CELA3B: variants seen among roughly 807,000 people sequenced by gnomAD.
CELA3B encodes chymotrypsin like elastase 3B.
In CELA3B, 34 loss-of-function variants were observed where a neutral mutation model predicts 37.2. The observed-to-expected ratio is 0.91, with a 90% CI of 0.70 to 1.22. The LOEUF is 1.22. CELA3B is among the 50% of genes most tolerant of loss of function. CELA3B has a pLI of 0.00. For synonymous variants in CELA3B, 127 were observed against 143.5 expected (o/e 0.89, Z 0.82); for missense variants, 340 against 363.1 (o/e 0.94, Z 0.52).
chr1:21,987,731 A>G (rs1447072481), intron 7 of CELA3B: 1 of 150,226 alleles, frequency 6.7e-6, no homozygotes, highest in African/African-American at 2.5e-5. Context: ...ACACCTGTGA[A>G]TAGCCACTGT....
chr1:21,989,364 T>G, downstream of CELA3B: 1 of 1,129,842 alleles, frequency 8.9e-7, no homozygotes. Flanking sequence ...AGTTGAATCT[T>G]TCTTTCTTTG....
intron 7 of CELA3B, among the ~76,000 whole-genome samples, chr1:21,988,408 G>C (rs528656921): frequency 6.6e-6 from 1 of 151,748 alleles, no homozygotes; most frequent in South Asian, 2.1e-4. Flanking sequence ...TGGCCAATAT[G>C]GTGAAATCCT....
In CELA3B at chr1:21,998,246, T is replaced by C. The variant is rs993706303; in HGVS notation, c.*57T>C. 4.1e-5 allele frequency: 19 copies of C among 464,616 alleles called. 1 individual carries two copies. Among genetic ancestry groups the C allele is most frequent in the Admixed American group, 4.1e-4 (17 of 41,638 alleles). The allele number at this position is 464,616 out of a possible 1,614,324, so 28.8% of individuals were successfully genotyped here. A position where few individuals can be genotyped will look rare whatever the true frequency, so the allele number is the denominator to read the frequency against. On this transcript the variant is annotated 3_prime_UTR_variant, in exon 5 of 5. Transcript: ENST00000400277. ...GCATATTAAAGGCTCTGAGAAGTCCTGTAGGAAAGGACAATTTGAACTTTG... is the reference window on the plus strand; with the variant it reads ...GCATATTAAAGGCTCTGAGAAGTCCCGTAGGAAAGGACAATTTGAACTTTG...
intron 2 of CELA3B, among the ~76,000 whole-genome samples, chr1:21,980,567 G>C (rs11577057): frequency 0.014 from 2,096 of 144,560 alleles, 4 homozygotes; most frequent in African/African-American, 0.05. Flanking sequence ...GAGAATGTTG[G>C]GGTCCCCAGG....
At chr1:21,991,631 G>A (rs570723293), downstream of CELA3B, among the ~76,000 whole-genome samples, 8 of 150,834 alleles carry the variant, frequency 5.3e-5, no homozygotes, top group East Asian at 5.9e-4. Flanking sequence ...CCACTGTGCC[G>A]GGCCAGGATC....
chr1:21,997,426 C>A (rs893577806), intron 4 of CELA3B, among the ~76,000 whole-genome samples: 1 of 146,980 alleles, frequency 6.8e-6, no homozygotes, highest in Non-Finnish European at 1.5e-5. Flanking sequence ...TGGTGGCTCA[C>A]GACTGTAATC....
intron 4 of CELA3B, among the ~76,000 whole-genome samples, chr1:21,983,381 T>A (rs6698785): frequency 0.9 from 135,759 of 150,400 alleles, 62,052 homozygotes; most frequent in Non-Finnish European, 0.98. Flanking sequence ...AAATTTGCTC[T>A]GCCTTAAGAA....
intron 6 of CELA3B, among the ~76,000 whole-genome samples, chr1:21,985,278 G>T (rs1185701836): frequency 2.0e-5 from 1 of 50,330 alleles, no homozygotes; most frequent in Admixed American, 3.1e-4. Context: ...GCAAGATGTT[G>T]TCTTTTTTTT....
chr1:21,992,025 C>A (rs1162091203), downstream of CELA3B, among the ~76,000 whole-genome samples: 2 of 150,920 alleles, frequency 1.3e-5, no homozygotes, highest in South Asian at 4.2e-4. Flanking sequence ...GAGGCTGAGG[C>A]AGGAGAATTG....
chr1:21,981,243 G>A, intron 4 of CELA3B, 71 bp downstream of exon 4: 1 of 1,486,792 alleles, frequency 6.7e-7, no homozygotes, highest in Non-Finnish European at 9.1e-7. Context: ...AGCCAAGTCT[G>A]AGTAGGTTCC....
chr1:21,979,463 T>G (rs1256446602), intron 2 of CELA3B, among the ~76,000 whole-genome samples: 1 of 146,974 alleles, frequency 6.8e-6, no homozygotes, highest in African/African-American at 2.5e-5. Flanking sequence ...CTTTTTTTTT[T>G]TTTTTTTGAG....
intron 1 of CELA3B, 106 bp from the exon 2 acceptor site, chr1:21,978,263 A>G (rs1644782931): frequency 2.5e-6 from 3 of 1,207,982 alleles, no homozygotes; most frequent in Non-Finnish European, 2.4e-6. Context: ...AGGGGCTTGC[A>G]TGGGGTCACA....
At chr1:21,982,545 C>A (rs141520507) in intron 4 of CELA3B, among the ~76,000 whole-genome samples, 1 of 151,606 alleles carries the variant, frequency 6.6e-6, no homozygotes, top group African/African-American at 2.4e-5. Flanking sequence ...TGTAGTGAGC[C>A]GAGATCGTGC....
chr1:21,983,742 C>T lies in CELA3B; in HGVS notation c.411C>T (p.Asp137=), dbSNP rs113497474. ...TCTCACGCAGCGCCCAGCTGGGAGA[C>T]GCCGTCCAGCTCGCCTCACTCCCTC... ...IKLSRSAQLG[D]AVQLASLPPA... is the part of the protein sequence containing the mutation. Residue 137 remains aspartate, a synonymous_variant, in exon 5 of 8, where the codon GAC becomes GAT. Coordinates refer to ENST00000337107, the MANE Select transcript of CELA3B (RefSeq NM_007352.4). 8.2e-4 allele frequency: 1,329 copies of T among 1,612,620 alleles called. 13 individuals carry two copies. The African/African-American group carries it at 0.015, about 19-fold the overall frequency.
chr1:21,992,351 C>A (rs1172930235), downstream of CELA3B, among the ~76,000 whole-genome samples: 4 of 151,734 alleles, frequency 2.6e-5, no homozygotes, highest in Non-Finnish European at 4.4e-5. Context: ...TATGGTCGCA[C>A]CTGTGAATAG....
At chr1:21,982,802 C>A (rs1205511439) in intron 4 of CELA3B, among the ~76,000 whole-genome samples, 1 of 151,356 alleles carries the variant, frequency 6.6e-6, no homozygotes, top group Non-Finnish European at 1.5e-5. Flanking sequence ...CTCGGCCTCC[C>A]GGGTAGCTGG....
At chr1:21,998,327 C>T (rs1328450263) in exon 5 of CELA3B, 2 of 424,352 alleles carry the variant, frequency 4.7e-6, no homozygotes, top group South Asian at 3.4e-5. Context: ...TGAGTGCCCA[C>T]TGGGTTATAT....
At chr1:21,977,161 C>G in intron 1 of CELA3B, 79 bp downstream of exon 1, 1 of 1,591,096 alleles carries the variant, frequency 6.3e-7, no homozygotes, top group Non-Finnish European at 8.6e-7. Flanking sequence ...TGCTCTAAGT[C>G]CCATGACACC....
In CELA3B at chr1:21,994,797, T is replaced by C. The variant is rs148946373; in HGVS notation, c.505-3354T>C. 4.4e-4 allele frequency among the ~76,000 whole-genome samples: 66 copies of C among 150,790 alleles called. 2 individuals are homozygous for C. The highest frequency in any genetic ancestry group is 1.5e-3 in the African/African-American group (62 of 40,696). On this transcript the variant is annotated intron_variant, in intron 4 of 4. Transcript: ENST00000400277. The stretch of plus-strand genomic sequence containing the variant: ...GGCAGATCACTTGACCTCAATAGTT[T>C]GAGACCAGCCTGGGCAACATGGCGA...
Sources: gnomAD v4.1 joint callset for allele counts (sites outside exome capture counted in the v4.1 genomes callset) on GRCh38, gnomAD v4.1.1 for gene constraint, MANE v1.5 for transcripts, NCBI Gene and HGNC (gene_info 2026-07-23, HGNC 2026-07-21) for gene names.